The following OPCML variants were observed in gnomAD, a reference collection of about 807,000 sequenced individuals.
OPCML encodes the protein opioid binding protein/cell adhesion molecule like, also known as opioid-binding protein/cell adhesion molecule.
Under a neutral mutation model 37.8 loss-of-function variants are expected in OPCML, and 13 were observed. That is an observed-to-expected ratio of 0.34 (90% confidence interval 0.22 to 0.55). OPCML has a LOEUF of 0.55. Among genes scored for constraint, OPCML ranks in the 20% least tolerant of loss-of-function variants. The pLI, the probability that OPCML is intolerant of heterozygous loss-of-function variation, is 0.91. For missense variants in OPCML, 341 were observed against 435.6 expected (o/e 0.78, Z 1.93); for synonymous variants, 176 against 168.8 (o/e 1.04, Z -0.33).
intron 2 of OPCML, among the ~76,000 whole-genome samples, chr11:132,757,657 T>C (rs1482019741): frequency 6.6e-6 from 1 of 152,234 alleles, no homozygotes; most frequent in Non-Finnish European, 1.5e-5. Context: ...TGTTTTTTTC[T>C]TGTAAAATTG....
At chr11:133,501,185 C>T (rs1377456047) in intron 1 of OPCML, among the ~76,000 whole-genome samples, 3 of 152,120 alleles carry the variant, frequency 2.0e-5, no homozygotes, top group African/African-American at 7.2e-5. Context: ...GACACACAAG[C>T]GCCAGATTCA....
chr11:133,006,387 G>A (rs1348508717), intron 1 of OPCML: 1 of 956,536 alleles, frequency 1.0e-6, no homozygotes, highest in Non-Finnish European at 1.2e-6. Flanking sequence ...TTGGCCATGG[G>A]ACAAAGAACC....
chr11:132,749,197 T>A (rs1197647692), intron 2 of OPCML, among the ~76,000 whole-genome samples: 1 of 152,200 alleles, frequency 6.6e-6, no homozygotes, highest in African/African-American at 2.4e-5. Flanking sequence ...GCCCTCACTA[T>A]GCTGGCACCC....
chr11:133,506,045 T>C (rs1298849083), intron 1 of OPCML, among the ~76,000 whole-genome samples: 1 of 152,214 alleles, frequency 6.6e-6, no homozygotes, highest in Non-Finnish European at 1.5e-5. Flanking sequence ...AAGCACAATG[T>C]TAGAATAATA....
At chr11:133,314,419 A>G (rs934818352) in intron 1 of OPCML, among the ~76,000 whole-genome samples, 14 of 151,892 alleles carry the variant, frequency 9.2e-5, no homozygotes, top group Non-Finnish European at 1.9e-4. Context: ...CTCCCTTTCT[A>G]CATGTGCTTA....
chr11:132,677,614 G>C (rs1340134329), intron 2 of OPCML, among the ~76,000 whole-genome samples: 2 of 152,106 alleles, frequency 1.3e-5, no homozygotes, highest in Non-Finnish European at 2.9e-5. Flanking sequence ...TCTTCAGAGA[G>C]TCTACTGATC....
At chr11:132,459,381 A>AG (rs2096092942) in intron 4 of OPCML, among the ~76,000 whole-genome samples, 1 of 149,344 alleles carries the variant, frequency 6.7e-6, no homozygotes, top group Non-Finnish European at 1.5e-5. Context: ...ACATGAGCCA[A>AG]TTCCTTTCTC....
intron 2 of OPCML, among the ~76,000 whole-genome samples, chr11:132,874,266 G>GA (rs1203890271): frequency 2.0e-5 from 3 of 152,114 alleles, no homozygotes; most frequent in Admixed American, 1.3e-4. Flanking sequence ...TCAGTTGATA[G>GA]AAAATCTATC....
At chr11:132,508,752 A>G (rs2096262746) in intron 4 of OPCML, among the ~76,000 whole-genome samples, 1 of 152,134 alleles carries the variant, frequency 6.6e-6, no homozygotes, top group African/African-American at 2.4e-5. Context: ...GCCTCCCACC[A>G]TGATTCTAAG....
rs544823117 is a variant in OPCML at position 133,069,171 on chromosome 11, G to T, written c.62-126161C>A. Among the ~76,000 whole-genome samples the T allele has an allele frequency of 3.9e-5, 6 of 152,276 alleles. No homozygotes were observed. The South Asian group carries it at 6.2e-4, about 16-fold the overall frequency. ...AACCTTGAGTAAGTTATTTAAACTT[G>T]CAGAGCCTCAGTCTTCCCATCTCCA... On this transcript the variant is annotated intron_variant, in intron 1 of 7. Coordinates refer to ENST00000524381, the MANE Select transcript of OPCML (RefSeq NM_001012393.5).
intron 1 of OPCML, among the ~76,000 whole-genome samples, chr11:133,236,293 C>T (rs1940513018): frequency 6.6e-6 from 1 of 152,196 alleles, no homozygotes; most frequent in African/African-American, 2.4e-5. Flanking sequence ...TGATTCATGT[C>T]TGGGGTTAGA....
At chr11:132,805,273 A>G (rs556195179) in intron 2 of OPCML, among the ~76,000 whole-genome samples, 12 of 152,332 alleles carry the variant, frequency 7.9e-5, no homozygotes, top group Admixed American at 4.6e-4. Context: ...TTAAGAGAAG[A>G]AAAAAGGATT....
At chr11:132,712,791 G>A (rs780210109) in intron 2 of OPCML, among the ~76,000 whole-genome samples, 2 of 152,218 alleles carry the variant, frequency 1.3e-5, no homozygotes, top group Non-Finnish European at 2.9e-5. Context: ...CTGGCACGGG[G>A]CAGCCTGGTG....
chr11:132,446,667 T>C (rs2096056150), intron 4 of OPCML, among the ~76,000 whole-genome samples: 1 of 152,168 alleles, frequency 6.6e-6, no homozygotes, highest in Admixed American at 6.5e-5. Flanking sequence ...ATGATTATGA[T>C]TATTTGGATT....
chr11:132,525,726 T>A (rs1474706128), intron 4 of OPCML: 1 of 152,206 alleles, frequency 6.6e-6, no homozygotes, highest in Non-Finnish European at 1.5e-5. Flanking sequence ...TATTTTAAGT[T>A]CTGGGATACA....
chr11:133,457,383 T>G (rs940171799), intron 1 of OPCML, among the ~76,000 whole-genome samples: 19 of 151,856 alleles, frequency 1.3e-4, no homozygotes, highest in Middle Eastern at 6.8e-3. Flanking sequence ...AATAAAAAAT[T>G]TAAAAATCAA....
chr11:132,877,637 A>G (rs534784591), intron 2 of OPCML, among the ~76,000 whole-genome samples: 3 of 152,304 alleles, frequency 2.0e-5, no homozygotes, highest in East Asian at 3.9e-4. Context: ...TTCAAGTCCT[A>G]TGGGAAGCTG....
intron 1 of OPCML, among the ~76,000 whole-genome samples, chr11:132,950,955 T>C (rs1945844889): frequency 6.6e-6 from 1 of 152,114 alleles, no homozygotes; most frequent in Non-Finnish European, 1.5e-5. Flanking sequence ...AGGACCTGGG[T>C]TTAAGACCTC....
intron 1 of OPCML, among the ~76,000 whole-genome samples, chr11:133,490,733 G>A (rs1947636594): frequency 6.6e-6 from 1 of 152,010 alleles, no homozygotes; most frequent in Non-Finnish European, 1.5e-5. Flanking sequence ...GATGATTGAG[G>A]CCTCCTTCCA....
Sources: gnomAD v4.1 joint callset for allele counts (sites outside exome capture counted in the v4.1 genomes callset) on GRCh38, gnomAD v4.1.1 for gene constraint, MANE v1.5 for transcripts, NCBI Gene and HGNC (gene_info 2026-07-23, HGNC 2026-07-21) for gene names.